The following CIAO2A variants were observed in gnomAD, a reference collection of about 807,000 sequenced individuals.
The protein encoded by CIAO2A is MIP18 family protein FAM96A.
In CIAO2A, 17 loss-of-function variants were observed where a neutral mutation model predicts 22.4. That is an observed-to-expected ratio of 0.76 (90% CI 0.52 to 1.14). CIAO2A has a LOEUF of 1.14. CIAO2A is among the 50% of genes most tolerant of loss of function. The pLI is 0.00. For missense variants in CIAO2A, 192 were observed against 191.4 expected, an observed-to-expected ratio of 1.00 and a Z score of -0.02; for synonymous variants, 74 against 72.3, an observed-to-expected ratio of 1.02 and a Z score of -0.12.
At chr15:64,073,072 T>A in intron 4 of CIAO2A, 44 bp from the exon 5 acceptor site, 1 of 1,316,418 alleles carries the variant, frequency 7.6e-7, no homozygotes, top group Non-Finnish European at 1.1e-6. Context: ...ACTGTGTCAA[T>A]ATACAGCACC....
intron 2 of CIAO2A, among the ~76,000 whole-genome samples, chr15:64,088,355 G>T (rs2080813724): frequency 6.6e-6 from 1 of 152,190 alleles, no homozygotes; most frequent in South Asian, 2.1e-4. Context: ...GGGAGGGGCA[G>T]CCTGACATAA....
At chr15:64,085,696 T>C (rs2080789037) in intron 2 of CIAO2A, among the ~76,000 whole-genome samples, 1 of 152,114 alleles carries the variant, frequency 6.6e-6, no homozygotes, top group East Asian at 1.9e-4. Context: ...CCTGGAATTT[T>C]AGCCCAGAGC....
Position 64,088,626 on chromosome 15 carries a change from A to G in CIAO2A, c.289+61T>C. 2.3e-6 allele frequency: 3 copies of G among 1,322,790 alleles called. No homozygotes were observed. In the East Asian group the frequency reaches 7.5e-5, roughly 33 times the overall value. The allele number at this position is 1,322,790 out of a possible 1,614,324, so 81.9% of individuals were successfully genotyped here. ...ATGATGCAAATTGTTATTATGGGTC[A>G]ATATCAGCAAGAATAACTTAGAATT... On this transcript the variant is annotated intron_variant, in intron 2 of 4. Transcript: ENST00000300030.
intron 2 of CIAO2A, among the ~76,000 whole-genome samples, chr15:64,086,886 T>C (rs1380632749): frequency 6.6e-6 from 1 of 151,856 alleles, no homozygotes; most frequent in Non-Finnish European, 1.5e-5. Context: ...GTGCTGGGAT[T>C]ACAGGTGTGA....
chr15:64,086,187 T>A (rs1361409379), intron 2 of CIAO2A, among the ~76,000 whole-genome samples: 4 of 151,650 alleles, frequency 2.6e-5, no homozygotes, highest in Admixed American at 2.6e-4. Flanking sequence ...GGTGGGCAGA[T>A]CACCTGATAT....
intron 2 of CIAO2A, among the ~76,000 whole-genome samples, chr15:64,082,471 G>A (rs2080764854): frequency 6.6e-6 from 1 of 152,058 alleles, no homozygotes; most frequent in Non-Finnish European, 1.5e-5. Context: ...CAAGTGATCT[G>A]CCCGCCTCGG....
At chr15:64,074,794 T>A (rs1305396871) in intron 4 of CIAO2A, 1 of 152,202 alleles carries the variant, frequency 6.6e-6, no homozygotes, top group Non-Finnish European at 1.5e-5. Context: ...CTGTTGCTCT[T>A]CCTCTATTAG....
intron 3 of CIAO2A, among the ~76,000 whole-genome samples, chr15:64,079,388 G>GA (rs1171407709): frequency 6.6e-6 from 1 of 152,030 alleles, no homozygotes; most frequent in Non-Finnish European, 1.5e-5. Context: ...CAAAAATTAA[G>GA]AAAAAATTAG....
chr15:64,084,465 G>T (rs1240260027), intron 2 of CIAO2A, among the ~76,000 whole-genome samples: 1 of 152,040 alleles, frequency 6.6e-6, no homozygotes, highest in African/African-American at 2.4e-5. Flanking sequence ...GCAATAATGA[G>T]ATATATAAAA....
At chr15:64,084,821 G>A (rs1000275999) in intron 2 of CIAO2A, among the ~76,000 whole-genome samples, 2 of 151,858 alleles carry the variant, frequency 1.3e-5, no homozygotes, top group South Asian at 2.1e-4. Context: ...GGTCAGGCGC[G>A]GTGGCTCACA....
chr15:64,083,362 T>C (rs777167112), intron 2 of CIAO2A, among the ~76,000 whole-genome samples: 1 of 152,086 alleles, frequency 6.6e-6, no homozygotes, highest in African/African-American at 2.4e-5. Flanking sequence ...ACCGTTCCCA[T>C]TGGACCACAG....
chr15:64,086,207 G>A (rs1409958756), intron 2 of CIAO2A, among the ~76,000 whole-genome samples: 1 of 151,438 alleles, frequency 6.6e-6, no homozygotes, highest in Non-Finnish European at 1.5e-5. Context: ...TTGGAAGTTC[G>A]AGACCAGCCT....
intron 2 of CIAO2A, among the ~76,000 whole-genome samples, chr15:64,086,873 A>G (rs1365432413): frequency 6.6e-6 from 1 of 151,616 alleles, no homozygotes; most frequent in African/African-American, 2.4e-5. Flanking sequence ...TTGGCCTCCC[A>G]AAGTGCTGGG....
At chr15:64,083,536 A>G (rs570721302) in intron 2 of CIAO2A, among the ~76,000 whole-genome samples, 15 of 152,312 alleles carry the variant, frequency 9.8e-5, no homozygotes, top group African/African-American at 3.6e-4. Context: ...GGCTAGGACT[A>G]CCTGCTCTGG....
intron 1 of CIAO2A, among the ~76,000 whole-genome samples, chr15:64,091,300 C>T (rs2080837794): frequency 1.3e-5 from 2 of 152,054 alleles, no homozygotes; most frequent in Non-Finnish European, 2.9e-5. Context: ...GCCTGGCCAA[C>T]ATGGCAAAAA....
intron 2 of CIAO2A, among the ~76,000 whole-genome samples, chr15:64,087,147 A>C (rs374960134): frequency 8.3e-5 from 11 of 131,984 alleles, no homozygotes; most frequent in African/African-American, 3.2e-4. Context: ...GCTGGAGTGC[A>C]GTGGTGCAAT....
rs1262111021 is a variant in CIAO2A at position 64,088,747 on chromosome 15, ATTC to A, written c.226_228del (p.Glu76del). On this transcript the variant is annotated inframe_deletion, in exon 2 of 5. Transcript: ENST00000300030. The stretch of plus-strand genomic sequence containing the variant: ...GGCGTGAACCTGATAATAACCAGAT[ATTC>A]TTCTTCATTTATCTCCTGAACTTCC... The A allele has an allele frequency of 5.6e-6, 9 of 1,613,864 alleles. No homozygotes were observed. Among genetic ancestry groups the A allele is most frequent in the African/African-American group, 1.3e-5 (1 of 74,932 alleles).
chr15:64,080,337 G>A (rs548064041), intron 3 of CIAO2A, among the ~76,000 whole-genome samples: 15 of 152,108 alleles, frequency 9.9e-5, no homozygotes, highest in South Asian at 2.1e-4. Context: ...GCAGTGAGCC[G>A]AGATTGCACC....
intron 1 of CIAO2A, 91 bp downstream of exon 1, chr15:64,093,554 C>A (rs1166152690): frequency 2.9e-6 from 4 of 1,397,264 alleles, no homozygotes; most frequent in Non-Finnish European, 3.9e-6. Context: ...GGTCTCCCCT[C>A]CCAGCCCTCA....
Sources: gnomAD v4.1 joint callset for allele counts (sites outside exome capture counted in the v4.1 genomes callset) on GRCh38, gnomAD v4.1.1 for gene constraint, MANE v1.5 for transcripts, NCBI Gene and HGNC (gene_info 2026-07-23, HGNC 2026-07-21) for gene names.